Variants in CRMP1 observed in about 807,000 individuals in gnomAD.
CRMP1 encodes the protein collapsin response mediator protein 1, also known as dihydropyrimidinase-related protein 1.
Under a neutral mutation model 68.3 loss-of-function variants are expected in CRMP1, and 19 were observed. That is an observed-to-expected ratio of 0.28 (90% CI 0.19 to 0.41). The LOEUF (loss-of-function observed/expected upper bound fraction) is 0.41, where lower values mean the gene tolerates loss of function less well. Ranked by LOEUF, CRMP1 falls within the 10% of genes least tolerant of loss-of-function variation. CRMP1 has a pLI of 1.00. For synonymous variants in CRMP1, 439 were observed against 399.6 expected (o/e 1.10, Z -1.18); for missense variants, 791 against 967.4 (o/e 0.82, Z 2.42).
intron 12 of CRMP1, among the ~76,000 whole-genome samples, chr4:5,827,575 T>C (rs774716129): frequency 2.0e-5 from 3 of 152,044 alleles, no homozygotes; most frequent in Non-Finnish European, 4.4e-5. Flanking sequence ...GGTACACACA[T>C]GGCCACACAC....
chr4:5,852,734 G>A (rs1712753756), intron 4 of CRMP1, among the ~76,000 whole-genome samples: 1 of 152,188 alleles, frequency 6.6e-6, no homozygotes, highest in Non-Finnish European at 1.5e-5. Flanking sequence ...ATCTGGGCTG[G>A]GGTGTGGGAG....
rs976874986 is a variant in CRMP1, at chr4:5,891,764, T to C, written c.381+825A>G. On this transcript the variant is annotated intron_variant, in intron 1 of 13. Transcript: ENST00000324989. The surrounding 1 kb of genome is among the most constrained non-coding windows in gnomAD (Gnocchi z 5.2). ...GGCTACGCCGTCCATCCGCCCTTCTTCCCCCAGTTTCCTGGTGACCCCCAG... is the reference window on the plus strand; with the variant it reads ...GGCTACGCCGTCCATCCGCCCTTCTCCCCCCAGTTTCCTGGTGACCCCCAG... 3.3e-5 allele frequency among the ~76,000 whole-genome samples: 5 copies of C among 152,000 alleles called. No individual in the cohort carries two copies. Among genetic ancestry groups the C allele is most frequent in the Middle Eastern group, 3.2e-3 (1 of 314 alleles).
chr4:5,840,731 C>T (rs915011755), intron 8 of CRMP1, among the ~76,000 whole-genome samples: 9 of 152,208 alleles, frequency 5.9e-5, no homozygotes, highest in African/African-American at 1.2e-4. Context: ...TACCCGCTCC[C>T]GGCTGGTACC....
chr4:5,852,068 G>A (rs1176181821), intron 4 of CRMP1, among the ~76,000 whole-genome samples: 10 of 152,202 alleles, frequency 6.6e-5, no homozygotes, highest in African/African-American at 1.9e-4. Flanking sequence ...ATAAGGAAGG[G>A]TGTGATGAGC....
Position 5,834,118 on chromosome 4 carries a change from TTGAC to T in CRMP1, c.1623+1793_1623+1796del, listed in dbSNP as rs1199020182. On this transcript the variant is annotated intron_variant, in intron 11 of 13. Transcript: ENST00000324989. This position sits in a 1 kb window ranked among gnomAD's most constrained non-coding sequence, Gnocchi z 4.3. ...CTTCTGGGTCCTTGTCCGCCGACCT[TTGAC>T]TGGCTGACACAGACATTCACGTTCC... Among the ~76,000 whole-genome samples the T allele has an allele frequency of 1.3e-5, 2 of 152,200 alleles. No homozygotes were observed. Among genetic ancestry groups the T allele is most frequent in the Non-Finnish European group, 2.9e-5 (2 of 68,040 alleles).
chr4:5,863,622 C>A (rs1713751060), intron 2 of CRMP1, among the ~76,000 whole-genome samples: 1 of 152,120 alleles, frequency 6.6e-6, no homozygotes, highest in African/African-American at 2.4e-5. Flanking sequence ...CCTCCCCCAA[C>A]ACCATCACCT....
rs1331107135 is a variant in CRMP1 at position 5,825,256 on chromosome 4, T to C, written c.1969+238A>G. ...ACTGGGACAATTTTGGTACCTCTCT[T>C]TGTAAACCCACATCAGGTACCACCA... On this transcript the variant is annotated intron_variant, in intron 13 of 13. Coordinates refer to ENST00000324989, the MANE Select transcript of CRMP1 (RefSeq NM_001014809.3). This position sits in a 1 kb window ranked among gnomAD's most constrained non-coding sequence, Gnocchi z 4.4. The C allele has an allele frequency of 1.0e-6, 1 of 985,154 alleles. No homozygotes were observed. Among genetic ancestry groups the C allele is most frequent in the Non-Finnish European group, 1.2e-6 (1 of 829,918 alleles). The allele number at this position is 985,154 out of a possible 1,614,324, so 61.0% of individuals were successfully genotyped here.
intron 6 of CRMP1, among the ~76,000 whole-genome samples, chr4:5,846,314 T>G (rs567556869): frequency 6.6e-6 from 1 of 152,120 alleles, no homozygotes; most frequent in East Asian, 1.9e-4. Context: ...TTAAAAAAAA[T>G]TTTTTTGAAG....
In CRMP1 at chr4:5,833,370, T is replaced by G. The variant is rs1054822987; in HGVS notation, c.1623+2545A>C. Among the ~76,000 whole-genome samples the G allele has an allele frequency of 2.2e-5, 2 of 92,398 alleles. 1 individual carries two copies. The highest frequency in any genetic ancestry group is 4.7e-5 in the Non-Finnish European group (2 of 42,720). The allele number at this position is 92,398 out of a possible 152,430, so 60.6% of individuals were successfully genotyped here. ...TTTAGTAGAGACAGGGTTTCACCGT[T>G]TTAGCCGGGATGGTCTCGATCTCCT... On this transcript the variant is annotated intron_variant, in intron 11 of 13. Transcript: ENST00000324989.
At chr4:5,837,659 A>AAAAT (rs1477294239) in intron 9 of CRMP1, among the ~76,000 whole-genome samples, 14 of 98,530 alleles carry the variant, frequency 1.4e-4, no homozygotes, top group East Asian at 4.7e-4. Context: ...ATAATAAAAT[A>AAAAT]AAATAAAATA....
At chr4:5,844,928 C>T (rs1483810031) in intron 6 of CRMP1, among the ~76,000 whole-genome samples, 4 of 152,194 alleles carry the variant, frequency 2.6e-5, no homozygotes, top group Non-Finnish European at 5.9e-5. Context: ...AGAAGCCTCA[C>T]GCATCACGGT....
chr4:5,846,128 A>G (rs1486800444), intron 6 of CRMP1, among the ~76,000 whole-genome samples: 1 of 152,072 alleles, frequency 6.6e-6, no homozygotes, highest in Non-Finnish European at 1.5e-5. Flanking sequence ...AAAACCCATC[A>G]CTACTAAAAA....
At chr4:5,839,898 G>A (rs546349849) in intron 8 of CRMP1, among the ~76,000 whole-genome samples, 2 of 152,366 alleles carry the variant, frequency 1.3e-5, no homozygotes, top group South Asian at 2.1e-4. Context: ...GCTCCATGGG[G>A]CGTACGGCAG....
At position 5,842,768 on chromosome 4, in the gene CRMP1, G is replaced by A. The variant is rs1356173883; in HGVS notation, c.1032+325C>T. Among the ~76,000 whole-genome samples, 1 of 152,152 alleles carries A rather than the reference G, an allele frequency of 6.6e-6. No homozygotes were observed. The highest frequency in any genetic ancestry group is 2.4e-5 in the African/African-American group (1 of 41,440). On this transcript the variant is annotated intron_variant, in intron 7 of 13. Transcript: ENST00000324989. This position sits in a 1 kb window ranked among gnomAD's most constrained non-coding sequence, Gnocchi z 4.5. Reference sequence around the variant, plus strand: ...GGGCAGGCAGTGGGAGTTGTCTCCTGGGTGCTGGGCTTGGGCATGCGGCTC... The same window carrying A: ...GGGCAGGCAGTGGGAGTTGTCTCCTAGGTGCTGGGCTTGGGCATGCGGCTC...
In CRMP1 at chr4:5,866,233, T is replaced by C. The variant is rs1283968978; in HGVS notation, c.470+435A>G. 6.6e-6 allele frequency among the ~76,000 whole-genome samples: 1 copy of C among 152,168 alleles called. No homozygotes were observed. Among genetic ancestry groups the C allele is most frequent in the Non-Finnish European group, 1.5e-5 (1 of 68,040 alleles). ...ACACATTCCTCCTTCCTCTCTGCTC[T>C]CCTCAACCCAATTCCAGAAACTGTG... is the stretch of plus-strand genomic sequence containing the variant. On this transcript the variant is annotated intron_variant, in intron 2 of 13. Coordinates refer to ENST00000324989, the MANE Select transcript of CRMP1 (RefSeq NM_001014809.3). The surrounding 1 kb of genome is among the most constrained non-coding windows in gnomAD (Gnocchi z 5.9).
At chr4:5,839,808 T>C in intron 8 of CRMP1, 130 bp from the exon 9 acceptor site, 1 of 1,100,666 alleles carries the variant, frequency 9.1e-7, no homozygotes, top group Admixed American at 2.8e-5. Flanking sequence ...GCCACCGTTC[T>C]TGCAGGCATC....
At chr4:5,829,665 A>G (rs1720212906) in intron 11 of CRMP1, among the ~76,000 whole-genome samples, 1 of 152,196 alleles carries the variant, frequency 6.6e-6, no homozygotes, top group South Asian at 2.1e-4. Flanking sequence ...ACATCTCTAC[A>G]CAGACATTTC....
Position 5,865,664 on chromosome 4 carries a change from C to T in CRMP1, c.470+1004G>A, listed in dbSNP as rs1246183186. 6.6e-6 allele frequency among the ~76,000 whole-genome samples: 1 copy of T among 151,950 alleles called. No homozygotes were observed. Among genetic ancestry groups the T allele is most frequent in the Non-Finnish European group, 1.5e-5 (1 of 68,006 alleles). Reference sequence around the variant, plus strand: ...AAGGCCGCCGCCTACAGACCCCTGCCTGGCGTTATGGACTGAATTGTATCT... The same window carrying T: ...AAGGCCGCCGCCTACAGACCCCTGCTTGGCGTTATGGACTGAATTGTATCT... On this transcript the variant is annotated intron_variant, in intron 2 of 13. Transcript: ENST00000324989. The surrounding 1 kb of genome is among the most constrained non-coding windows in gnomAD (Gnocchi z 4.1).
rs555162365 is a variant in CRMP1 at position 5,873,105 on chromosome 4, G to C, written c.382-6349C>G. Among the ~76,000 whole-genome samples the C allele has an allele frequency of 3.3e-5, 5 of 152,344 alleles. No homozygotes were observed. The East Asian group carries it at 5.8e-4, about 18-fold the overall frequency. On this transcript the variant is annotated intron_variant, in intron 1 of 13. Coordinates refer to ENST00000324989, the MANE Select transcript of CRMP1 (RefSeq NM_001014809.3). ...CATTGTTTAAGGATGGGTGTAAGCA[G>C]CTTAAATGCAGCTTGTGCCCTCAAG...
Sources: gnomAD v4.1 joint callset for allele counts (sites outside exome capture counted in the v4.1 genomes callset) on GRCh38, gnomAD v4.1.1 for gene constraint, Gnocchi (gnomAD v3.1) non-coding constraint, MANE v1.5 for transcripts, NCBI Gene and HGNC (gene_info 2026-07-23, HGNC 2026-07-21) for gene names.